Variants in HSPBAP1 observed in about 807,000 individuals in gnomAD.
HSPBAP1 encodes the protein HSPB1-associated protein 1.
A neutral mutation model predicts 45.2 loss-of-function variants in HSPBAP1; 27 were observed. The observed-to-expected ratio is 0.60, with a 90% CI of 0.44 to 0.82. HSPBAP1 has a LOEUF of 0.82. Ranked by LOEUF, HSPBAP1 falls within the 40% of genes least tolerant of loss-of-function variation. The pLI, the probability that HSPBAP1 is intolerant of heterozygous loss-of-function variation, is 0.00. For synonymous variants in HSPBAP1, 204 were observed against 202.7 expected, an observed-to-expected ratio of 1.01 and a Z score of -0.06; for missense variants, 510 against 590.9, an observed-to-expected ratio of 0.86 and a Z score of 1.42.
Position 122,741,076 on chromosome 3 carries a change from G to C in HSPBAP1, c.863C>G (p.Thr288Ser). 1 of 1,614,054 alleles carries C rather than the reference G, an allele frequency of 6.2e-7. No individual in the cohort carries two copies. The highest frequency in any genetic ancestry group is 8.5e-7 in the Non-Finnish European group (1 of 1,179,990). Reference sequence around the variant, plus strand: ...TTTCAGGGCACACACAAGCATACGGGTGATTGCCTCTTCTACCCGGGCTAG... The same window carrying C: ...TTTCAGGGCACACACAAGCATACGGCTGATTGCCTCTTCTACCCGGGCTAG... ...DHLARVEEAITRMLVCALKTA... is the reference protein window; with the variant it reads ...DHLARVEEAISRMLVCALKTA... The change falls in exon 7 of 8, where the codon ACC becomes AGC. Residue 288 changes from threonine (T) to serine (S), a missense_variant. Coordinates refer to ENST00000306103, the MANE Select transcript of HSPBAP1 (RefSeq NM_024610.6).
intron 1 of HSPBAP1, among the ~76,000 whole-genome samples, chr3:122,789,809 CTCACTCCTA>C (rs991326740): frequency 3.9e-5 from 6 of 151,946 alleles, no homozygotes; most frequent in African/African-American, 1.5e-4. Flanking sequence ...CAAGCACTGA[CTCACTCCTA>C]TCACTCCTAA....
At chr3:122,754,173 G>A (rs1446055773) in intron 5 of HSPBAP1, 2 of 152,658 alleles carry the variant, frequency 1.3e-5, no homozygotes, top group Admixed American at 1.3e-4. Flanking sequence ...CACAAAACTT[G>A]TACATGAATG....
chr3:122,780,428 G>A (rs1387349717), intron 1 of HSPBAP1, among the ~76,000 whole-genome samples: 3 of 125,150 alleles, frequency 2.4e-5, no homozygotes, highest in South Asian at 2.5e-4. Context: ...CCGGGCAGAG[G>A]GGCTCCTCAC....
chr3:122,779,488 T>C (rs549660872), intron 1 of HSPBAP1, among the ~76,000 whole-genome samples: 6 of 89,878 alleles, frequency 6.7e-5, no homozygotes, highest in Admixed American at 6.0e-4. Flanking sequence ...TTGAATATGT[T>C]TTCTTTTATT....
intron 1 of HSPBAP1, among the ~76,000 whole-genome samples, chr3:122,780,701 G>A (rs1935419656): frequency 6.6e-6 from 1 of 150,548 alleles, no homozygotes; most frequent in Admixed American, 6.6e-5. Context: ...GGGCGGAGAG[G>A]CTCCTCACTT....
At chr3:122,769,669 C>T (rs910215296) in intron 2 of HSPBAP1, among the ~76,000 whole-genome samples, 2 of 152,010 alleles carry the variant, frequency 1.3e-5, no homozygotes, top group Non-Finnish European at 2.9e-5. Context: ...AAATGTTCGC[C>T]ACTATTTTTT....
At chr3:122,764,783 C>T (rs1439121760) in intron 3 of HSPBAP1, among the ~76,000 whole-genome samples, 1 of 152,094 alleles carries the variant, frequency 6.6e-6, no homozygotes, top group Non-Finnish European at 1.5e-5. Flanking sequence ...ACAAGTTTTA[C>T]CTTTTGCAAT....
intron 1 of HSPBAP1, among the ~76,000 whole-genome samples, chr3:122,779,830 T>A (rs1165962799): frequency 6.6e-6 from 1 of 151,980 alleles, no homozygotes; most frequent in Non-Finnish European, 1.5e-5. Context: ...GGGGGTAAGG[T>A]CACAGATCAA....
At chr3:122,779,444 C>A (rs1327770771) in intron 1 of HSPBAP1, among the ~76,000 whole-genome samples, 2 of 151,612 alleles carry the variant, frequency 1.3e-5, no homozygotes, top group African/African-American at 2.4e-5. Context: ...TTAGATCCAG[C>A]GAGTTGCATG....
intron 1 of HSPBAP1, among the ~76,000 whole-genome samples, chr3:122,791,833 T>G (rs1353780024): frequency 6.6e-6 from 1 of 152,212 alleles, no homozygotes; most frequent in Non-Finnish European, 1.5e-5. Context: ...TGGGTTTTAT[T>G]CTAACTTCTA....
chr3:122,753,660 G>A, intron 5 of HSPBAP1: 1 of 985,218 alleles, frequency 1.0e-6, no homozygotes, highest in Non-Finnish European at 1.2e-6. Flanking sequence ...CTTCACATTA[G>A]GAAACTACTG....
intron 3 of HSPBAP1, among the ~76,000 whole-genome samples, 180 bp downstream of exon 3, chr3:122,768,521 G>A (rs1444804328): frequency 1.3e-5 from 2 of 152,334 alleles, no homozygotes; most frequent in South Asian, 2.1e-4. Context: ...GCTCATCTGT[G>A]TGAGCCAAAT....
At chr3:122,785,168 CATAG>C (rs1702567816) in intron 1 of HSPBAP1, among the ~76,000 whole-genome samples, 1 of 152,186 alleles carries the variant, frequency 6.6e-6, no homozygotes, top group Non-Finnish European at 1.5e-5. Flanking sequence ...AAGATCAATT[CATAG>C]ATAATCATTC....
intron 2 of HSPBAP1, among the ~76,000 whole-genome samples, chr3:122,772,078 G>C (rs985829162): frequency 5.3e-5 from 8 of 152,100 alleles, no homozygotes; most frequent in Admixed American, 4.6e-4. Flanking sequence ...TATTTCCTTC[G>C]TAACAGTTAT....
intron 6 of HSPBAP1, among the ~76,000 whole-genome samples, chr3:122,748,575 A>C (rs1418472096): frequency 1.3e-5 from 2 of 152,228 alleles, no homozygotes; most frequent in East Asian, 3.8e-4. Context: ...AAAACAATAA[A>C]GTTCAACAAC....
intron 6 of HSPBAP1, among the ~76,000 whole-genome samples, chr3:122,747,402 A>G (rs1233348026): frequency 6.7e-6 from 1 of 150,184 alleles, no homozygotes; most frequent in Non-Finnish European, 1.5e-5. Context: ...CTGAGAAATG[A>G]GGAGCCCCTC....
intron 4 of HSPBAP1, among the ~76,000 whole-genome samples, chr3:122,757,858 C>T (rs1934410476): frequency 6.6e-6 from 1 of 152,218 alleles, no homozygotes; most frequent in South Asian, 2.1e-4. Flanking sequence ...TGGACAGCAG[C>T]TACTTAAAAT....
chr3:122,755,603 C>G (rs1195869534), intron 4 of HSPBAP1, among the ~76,000 whole-genome samples, 172 bp from the exon 5 acceptor site: 1 of 151,730 alleles, frequency 6.6e-6, no homozygotes, highest in Non-Finnish European at 1.5e-5. Flanking sequence ...TAGAATCCCT[C>G]TGCAGATACC....
At chr3:122,750,270 G>A (rs1934082771) in intron 6 of HSPBAP1, among the ~76,000 whole-genome samples, 1 of 152,132 alleles carries the variant, frequency 6.6e-6, no homozygotes, top group Admixed American at 6.5e-5. Context: ...ACCGTGCCCG[G>A]CCTTATGTTA....
Sources: gnomAD v4.1 joint callset for allele counts (sites outside exome capture counted in the v4.1 genomes callset) on GRCh38, gnomAD v4.1.1 for gene constraint, MANE v1.5 for transcripts, NCBI Gene and HGNC (gene_info 2026-07-23, HGNC 2026-07-21) for gene names.